COL5A1: variants seen among roughly 807,000 people sequenced by gnomAD.
The protein encoded by COL5A1 is collagen type V alpha 1 chain.
In COL5A1, 16 loss-of-function variants were observed where a neutral mutation model predicts 263.7. That is an observed-to-expected ratio of 0.06 (90% CI 0.04 to 0.09). COL5A1 has a LOEUF of 0.09. Among genes scored for constraint, COL5A1 ranks in the 10% least tolerant of loss-of-function variants. The pLI, the probability that COL5A1 is intolerant of heterozygous loss-of-function variation, is 1.00. For synonymous variants in COL5A1, 1,012 were observed against 1,004.5 expected, an observed-to-expected ratio of 1.01 and a Z score of -0.14; for missense variants, 2,036 against 2,540.5, an observed-to-expected ratio of 0.80 and a Z score of 4.27.
At chr9:134,648,559 G>T (rs550817479) in intron 1 of COL5A1, among the ~76,000 whole-genome samples, 12 of 152,194 alleles carry the variant, frequency 7.9e-5, no homozygotes, top group African/African-American at 2.2e-4. Context: ...TAAGAAGGGG[G>T]TGGTGACTGT....
chr9:134,676,246 A>G (rs1266160317), intron 1 of COL5A1, among the ~76,000 whole-genome samples: 1 of 152,096 alleles, frequency 6.6e-6, no homozygotes, highest in Non-Finnish European at 1.5e-5. Context: ...GTGTATTTGC[A>G]TGGTGTTTTA....
At chr9:134,702,254 T>C (rs1375511345) in intron 4 of COL5A1, among the ~76,000 whole-genome samples, 1 of 152,228 alleles carries the variant, frequency 6.6e-6, no homozygotes, top group Non-Finnish European at 1.5e-5. Flanking sequence ...CACCCGGGTC[T>C]CTGTGGCTAA....
chr9:134,664,688 C>T (rs1422899390), intron 1 of COL5A1, among the ~76,000 whole-genome samples: 1 of 152,282 alleles, frequency 6.6e-6, no homozygotes, highest in Non-Finnish European at 1.5e-5. Flanking sequence ...GTCTGTGACA[C>T]TGGCTCCTGT....
chr9:134,818,626 G>A lies in COL5A1; in HGVS notation c.4231-30G>A. ...AGGGTGCCTGGAGCCTAGAGCTCCG[G>A]ACCTCATTCTGCCCTCCGCCGTCCT... On this transcript the variant is annotated intron_variant, in intron 54 of 65. Coordinates refer to ENST00000371817, the MANE Select transcript of COL5A1 (RefSeq NM_000093.5). This position sits in a 1 kb window ranked among gnomAD's most constrained non-coding sequence, Gnocchi z 6.0. 6.4e-7 allele frequency: 1 copy of A among 1,554,074 alleles called. No homozygotes were observed. Among genetic ancestry groups the A allele is most frequent in the Non-Finnish European group, 8.8e-7 (1 of 1,134,634 alleles).
rs568864700 is a variant in COL5A1, at chr9:134,833,173, A to C, written c.5137-1798A>C. Among the ~76,000 whole-genome samples, 4 of 152,354 alleles carry C rather than the reference A, an allele frequency of 2.6e-5. No homozygotes were observed. The South Asian group carries it at 8.3e-4, about 32-fold the overall frequency. ...GAGAGGGTCCTTCAAGGTCCTGCCT[A>C]GGCCAGGAGAGATGTGTGCTTCATT... On this transcript the variant is annotated intron_variant, in intron 64 of 65. Transcript: ENST00000371817.
chr9:134,831,167 G>T (rs1306634888), intron 64 of COL5A1, among the ~76,000 whole-genome samples: 4 of 152,182 alleles, frequency 2.6e-5, no homozygotes, highest in Non-Finnish European at 5.9e-5. Context: ...TCCCTGGGTG[G>T]ACACAGAGCA....
At chr9:134,809,128 G>T in intron 42 of COL5A1, 55 bp from the exon 43 acceptor site, 1 of 1,409,068 alleles carries the variant, frequency 7.1e-7, no homozygotes, top group South Asian at 1.2e-5. Flanking sequence ...GAGCTGGTGG[G>T]GGGATGTTCC....
chr9:134,783,184 G>A (rs1427162075), intron 29 of COL5A1, among the ~76,000 whole-genome samples: 1 of 152,270 alleles, frequency 6.6e-6, no homozygotes, highest in Admixed American at 6.5e-5. Flanking sequence ...GTGGGTCTAG[G>A]ATCCCTGTGA....
Position 134,741,997 on chromosome 9 carries a change from C to T in COL5A1, c.1494+3189C>T, listed in dbSNP as rs917353755. Among the ~76,000 whole-genome samples the T allele has an allele frequency of 8.5e-5, 13 of 152,170 alleles. No individual in the cohort carries two copies. Among genetic ancestry groups the T allele is most frequent in the Admixed American group, 3.3e-4 (5 of 15,286 alleles). ...CCTGCTCCCTGTGGGCAGCCGTGGG[C>T]AGCCGTGGCAATTGGCTGGGAGCCG... On this transcript the variant is annotated intron_variant, in intron 11 of 65. Transcript: ENST00000371817. This position sits in a 1 kb window ranked among gnomAD's most constrained non-coding sequence, Gnocchi z 4.5.
chr9:134,806,521 C>T (rs1248388406), intron 42 of COL5A1, among the ~76,000 whole-genome samples: 1 of 152,160 alleles, frequency 6.6e-6, no homozygotes, highest in Non-Finnish European at 1.5e-5. Context: ...TTCTTTCCGC[C>T]ATCAGCTGAG....
At chr9:134,698,527 G>T (rs1001499467) in intron 2 of COL5A1, among the ~76,000 whole-genome samples, 14 of 152,224 alleles carry the variant, frequency 9.2e-5, no homozygotes, top group African/African-American at 3.4e-4. Flanking sequence ...TACAGAGGAT[G>T]CAGAGGCTGT....
At chr9:134,798,616 C>T (rs1838003327) in intron 37 of COL5A1, among the ~76,000 whole-genome samples, 155 bp downstream of exon 37, 2 of 39,414 alleles carry the variant, frequency 5.1e-5, no homozygotes, top group Admixed American at 2.0e-4. Context: ...GGCCGGCTTC[C>T]GCTGACTCAG....
rs925212419 is a variant in COL5A1, at chr9:134,775,024, A to G, written c.2385+112A>G. 3 of 985,806 alleles carry G rather than the reference A, an allele frequency of 3.0e-6. No homozygotes were observed. In the African/African-American group the frequency reaches 4.8e-5, roughly 16 times the overall value. The allele number at this position is 985,806 out of a possible 1,614,324, so 61.1% of individuals were successfully genotyped here. On this transcript the variant is annotated intron_variant, in intron 27 of 65. Coordinates refer to ENST00000371817, the MANE Select transcript of COL5A1 (RefSeq NM_000093.5). ...CTGTGGTTTAATGTCCCTGCTATTC[A>G]GTCTGGAGTAGCCCAGTCCTCCCAG...
rs764422410 is a variant in COL5A1, at chr9:134,830,082, A to T, written c.5136+38A>T. 1.9e-5 allele frequency: 31 copies of T among 1,613,436 alleles called. No individual in the cohort carries two copies. The African/African-American group carries it at 4.1e-4, about 22-fold the overall frequency. On this transcript the variant is annotated intron_variant, in intron 64 of 65. Transcript: ENST00000371817. ...CTGGCGTCTTTGCGGTTGTCACTTT[A>T]AACCCGCCCATCTCGTATCTTACAG...
intron 65 of COL5A1, among the ~76,000 whole-genome samples, chr9:134,836,404 C>T (rs1226553882): frequency 2.6e-5 from 4 of 152,204 alleles, no homozygotes; most frequent in Admixed American, 6.5e-5. Flanking sequence ...GTGACCCAGA[C>T]GCCTCCCACC....
At chr9:134,806,377 G>C in intron 42 of COL5A1, 81 bp downstream of exon 42, 1 of 993,498 alleles carries the variant, frequency 1.0e-6, no homozygotes, top group Non-Finnish European at 1.5e-6. Context: ...CCCTCCCCCT[G>C]TGATGTCCCC....
intron 28 of COL5A1, among the ~76,000 whole-genome samples, chr9:134,781,000 C>T (rs1837230166): frequency 6.6e-6 from 1 of 152,258 alleles, no homozygotes; most frequent in Non-Finnish European, 1.5e-5. Context: ...TGGGCTCTCC[C>T]CTGGCCACGG....
chr9:134,680,160 A>G lies in COL5A1; in HGVS notation c.110-10752A>G, dbSNP rs879883417. Among the ~76,000 whole-genome samples, 8 of 152,192 alleles carry G rather than the reference A, an allele frequency of 5.3e-5. No individual in the cohort carries two copies. The highest frequency in any genetic ancestry group is 7.4e-5 in the Non-Finnish European group (5 of 68,020). On this transcript the variant is annotated intron_variant, in intron 1 of 65. Transcript: ENST00000371817. The surrounding 1 kb of genome is among the most constrained non-coding windows in gnomAD (Gnocchi z 5.9). ...GCCCTTCATTCTTCAGCAAGGAATG[A>G]TGAGCTGGGAGCCATGAACAAGCGC...
chr9:134,760,961 C>G (rs1278491185), intron 18 of COL5A1, among the ~76,000 whole-genome samples: 1 of 150,104 alleles, frequency 6.7e-6, no homozygotes, highest in Non-Finnish European at 1.5e-5. Context: ...CCGCCACACA[C>G]ATACACACAT....
Sources: allele counts gnomAD v4.1 joint callset (sites outside exome capture counted in the v4.1 genomes callset), GRCh38; gene constraint gnomAD v4.1.1; non-coding constraint Gnocchi (gnomAD v3.1); transcripts MANE v1.5; gene names NCBI Gene and HGNC (gene_info 2026-07-23, HGNC 2026-07-21).